MAGI2: variants seen among roughly 807,000 people sequenced by gnomAD.
The protein encoded by MAGI2 is membrane associated guanylate kinase, WW and PDZ domain containing 2.
A neutral mutation model predicts 133.3 loss-of-function variants in MAGI2; 35 were observed. The observed-to-expected ratio is 0.26, with a 90% CI of 0.20 to 0.35. The LOEUF is 0.35. Among genes scored for constraint, MAGI2 ranks in the 10% least tolerant of loss-of-function variants. The probability of loss-of-function intolerance (pLI) is 1.00; values close to 1 mark genes in which losing one functional copy is unlikely to be tolerated. For missense variants in MAGI2, 1,636 were observed against 1,863.4 expected, an observed-to-expected ratio of 0.88 and a Z score of 2.25; for synonymous variants, 729 against 710.6, an observed-to-expected ratio of 1.03 and a Z score of -0.41.
At chr7:78,643,874 CCA>C (rs1399491970) in intron 2 of MAGI2, among the ~76,000 whole-genome samples, 4 of 151,734 alleles carry the variant, frequency 2.6e-5, no homozygotes, top group East Asian at 1.9e-4. Context: ...ACACACACCC[CCA>C]CACACACTAT....
At chr7:78,201,566 T>C (rs1829254596) in intron 10 of MAGI2, among the ~76,000 whole-genome samples, 1 of 152,228 alleles carries the variant, frequency 6.6e-6, no homozygotes, top group South Asian at 2.1e-4. Flanking sequence ...ATTTCAAAGG[T>C]AAATATCTTT....
intron 2 of MAGI2, among the ~76,000 whole-genome samples, chr7:78,784,917 C>A (rs1001591444): frequency 6.6e-6 from 1 of 152,166 alleles, no homozygotes; most frequent in African/African-American, 2.4e-5. Flanking sequence ...TCTCTACACC[C>A]TTAAATAATG....
intron 1 of MAGI2, among the ~76,000 whole-genome samples, chr7:79,150,685 T>C (rs978210256): frequency 1.4e-5 from 1 of 71,028 alleles, no homozygotes; most frequent in Admixed American, 1.2e-4. Context: ...TGATATTTCA[T>C]ATCAGGTGGG....
chr7:78,709,617 C>T (rs914599753), intron 2 of MAGI2, among the ~76,000 whole-genome samples: 13 of 152,192 alleles, frequency 8.5e-5, no homozygotes, highest in African/African-American at 2.9e-4. Context: ...GTACAAATTA[C>T]ATTTACTATC....
chr7:78,708,181 C>T (rs1367409334), intron 2 of MAGI2, among the ~76,000 whole-genome samples: 1 of 152,158 alleles, frequency 6.6e-6, no homozygotes, highest in Non-Finnish European at 1.5e-5. Flanking sequence ...TATCTTCAAT[C>T]TGTGCTATCA....
intron 3 of MAGI2, among the ~76,000 whole-genome samples, chr7:78,603,283 G>A (rs565152624): frequency 6.6e-6 from 1 of 152,156 alleles, no homozygotes; most frequent in Non-Finnish European, 1.5e-5. Context: ...TCTCTTAAAG[G>A]AGGAAGTAAT....
In MAGI2 at chr7:78,127,336, G is replaced by A. The variant is rs775957972; in HGVS notation, c.3284C>T (p.Pro1095Leu). The stretch of plus-strand genomic sequence containing the variant: ...TCCTGGGGGTTGCCTGTAATCCAGC[G>A]GGGGCTGCCTGTAGTCTGTGAATGG... Reference protein sequence around the residue: ...QPPFTDYRQPPLDYRQPPGGD... With the variant: ...QPPFTDYRQPLLDYRQPPGGD... The change falls in exon 19 of 22, where the codon CCG becomes CTG. Residue 1095 changes from proline to leucine, a missense_variant. By Grantham distance (98) the Pro-to-Leu change is moderately conservative. Around this residue, in one of 5 missense-constraint regions of MAGI2, gnomAD observed 920 missense variants for 1,093.5 expected, o/e 0.84. Coordinates refer to ENST00000354212, the MANE Select transcript of MAGI2 (RefSeq NM_012301.4). The A allele has an allele frequency of 3.7e-6, 6 of 1,611,174 alleles. No homozygotes were observed. The highest frequency in any genetic ancestry group is 1.1e-5 in the South Asian group (1 of 91,058).
intron 2 of MAGI2, among the ~76,000 whole-genome samples, chr7:78,700,824 G>T (rs1234829684): frequency 6.6e-6 from 1 of 151,688 alleles, no homozygotes; most frequent in Non-Finnish European, 1.5e-5. Context: ...TGACACCTTT[G>T]TATAGATTCA....
At chr7:78,803,766 T>G (rs1788281685) in intron 2 of MAGI2, among the ~76,000 whole-genome samples, 1 of 152,224 alleles carries the variant, frequency 6.6e-6, no homozygotes, top group Non-Finnish European at 1.5e-5. Context: ...AAATTGCTAC[T>G]TTATGTGTGA....
At chr7:78,541,684 A>T (rs1798423422) in intron 3 of MAGI2, among the ~76,000 whole-genome samples, 1 of 152,202 alleles carries the variant, frequency 6.6e-6, no homozygotes, top group Non-Finnish European at 1.5e-5. Context: ...CTTATTAATC[A>T]GGAGCTCTGG....
chr7:78,112,093 G>A (rs1019577145), intron 20 of MAGI2, among the ~76,000 whole-genome samples: 2 of 152,070 alleles, frequency 1.3e-5, no homozygotes, highest in Non-Finnish European at 2.9e-5. Flanking sequence ...TGACCTGGAG[G>A]GGCTTAGCTC....
chr7:79,030,777 GGATT>G, intron 1 of MAGI2, among the ~76,000 whole-genome samples: 5 of 152,040 alleles, frequency 3.3e-5, no homozygotes, highest in Non-Finnish European at 5.9e-5. Flanking sequence ...ATTATTCTTG[GGATT>G]AGAGTTCCCA....
chr7:78,515,781 C>T (rs1396058032), intron 4 of MAGI2, among the ~76,000 whole-genome samples: 2 of 151,974 alleles, frequency 1.3e-5, no homozygotes, highest in Non-Finnish European at 2.9e-5. Context: ...CACCTATAAT[C>T]CCAGCTACTT....
intron 7 of MAGI2, among the ~76,000 whole-genome samples, chr7:78,367,375 C>T (rs924504685): frequency 5.9e-5 from 9 of 152,196 alleles, no homozygotes; most frequent in Admixed American, 5.9e-4. Context: ...TTGAAAGGAG[C>T]TGAAGATATG....
chr7:78,594,551 G>A (rs959945265), intron 3 of MAGI2, among the ~76,000 whole-genome samples: 8 of 152,096 alleles, frequency 5.3e-5, no homozygotes, highest in African/African-American at 1.2e-4. Context: ...TCTGCCTCCC[G>A]GGTTCAAGTG....
At chr7:79,388,584 ATTT>A (rs1844367226) in intron 1 of MAGI2, among the ~76,000 whole-genome samples, 1 of 151,630 alleles carries the variant, frequency 6.6e-6, no homozygotes, top group South Asian at 2.1e-4. Flanking sequence ...AATTAAAATT[ATTT>A]TTATTTTTAT....
At chr7:78,778,982 C>G (rs538510793) in intron 2 of MAGI2, among the ~76,000 whole-genome samples, 25 of 146,336 alleles carry the variant, frequency 1.7e-4, no homozygotes, top group Admixed American at 1.4e-3. Context: ...TCTCAGCTCA[C>G]TGCAACCTAT....
chr7:78,317,472 A>T (rs1196659218), intron 9 of MAGI2, among the ~76,000 whole-genome samples: 1 of 152,258 alleles, frequency 6.6e-6, no homozygotes, highest in Non-Finnish European at 1.5e-5. Flanking sequence ...GCGCATCAGC[A>T]TAGTAGGTTA....
At chr7:78,115,546 A>G (rs1243882384) in intron 20 of MAGI2, among the ~76,000 whole-genome samples, 1 of 152,232 alleles carries the variant, frequency 6.6e-6, no homozygotes, top group African/African-American at 2.4e-5. Context: ...CATGCTTATA[A>G]TAATATCAGA....
Sources: gnomAD v4.1 joint callset for allele counts (sites outside exome capture counted in the v4.1 genomes callset) on GRCh38, gnomAD v4.1.1 for gene constraint, gnomAD v4.1.1 regional missense constraint, MANE v1.5 for transcripts, NCBI Gene and HGNC (gene_info 2026-07-23, HGNC 2026-07-21) for gene names.